Variants in BCAR3 observed in about 807,000 individuals in gnomAD.
The protein encoded by BCAR3 is BCAR3 adaptor protein, NSP family member.
In BCAR3, 37 loss-of-function variants were observed where a neutral mutation model predicts 80.1. The ratio of observed to expected loss-of-function variants is 0.46; its 90% CI spans 0.36 to 0.61. The LOEUF is 0.61. Among genes scored for constraint, BCAR3 ranks in the 20% least tolerant of loss-of-function variants. The pLI, the probability that BCAR3 is intolerant of heterozygous loss-of-function variation, is 0.00. For missense variants in BCAR3, 978 were observed against 1,068.2 expected, an observed-to-expected ratio of 0.92 and a Z score of 1.18; for synonymous variants, 389 against 418.9, an observed-to-expected ratio of 0.93 and a Z score of 0.87.
At position 93,713,704 on chromosome 1, in the gene BCAR3, A is replaced by C. The variant is rs939525718; in HGVS notation, c.-62-7562T>G. Among the ~76,000 whole-genome samples the C allele has an allele frequency of 4.6e-5, 7 of 151,638 alleles. No homozygotes were observed. In the East Asian group the frequency reaches 1.2e-3, roughly 25 times the overall value. On this transcript the variant is annotated intron_variant, in intron 2 of 13. Transcript: ENST00000370244. ...AAAACCCACAGCAATGGTTCCAAAA[A>C]CTGAAATGCCATTTTTTTTTCTATT... is the stretch of plus-strand genomic sequence containing the variant.
At chr1:93,756,767 G>A (rs2100719091) in intron 2 of BCAR3, among the ~76,000 whole-genome samples, 1 of 152,210 alleles carries the variant, frequency 6.6e-6, no homozygotes, top group East Asian at 1.9e-4. Flanking sequence ...GGAATGCCCA[G>A]GTGCAGCCTC....
intron 3 of BCAR3, among the ~76,000 whole-genome samples, chr1:93,614,465 AG>A (rs1465788573): frequency 6.6e-6 from 1 of 152,014 alleles, no homozygotes. Context: ...TGAGGAAAGG[AG>A]GTGGCCTAAA....
At chr1:93,719,201 A>T (rs182680903) in intron 2 of BCAR3, among the ~76,000 whole-genome samples, 91 of 152,274 alleles carry the variant, frequency 6.0e-4, no homozygotes, top group African/African-American at 2.1e-3. Context: ...CTACTCTGGA[A>T]GGTCCAGCTG....
intron 3 of BCAR3, among the ~76,000 whole-genome samples, chr1:93,606,814 G>A (rs892270559): frequency 6.6e-6 from 1 of 152,204 alleles, no homozygotes; most frequent in Non-Finnish European, 1.5e-5. Flanking sequence ...CAGTAGGACT[G>A]GACAGGAAGG....
At chr1:93,720,589 C>A (rs1650358310) in intron 2 of BCAR3, among the ~76,000 whole-genome samples, 1 of 152,222 alleles carries the variant, frequency 6.6e-6, no homozygotes, top group Admixed American at 6.5e-5. Flanking sequence ...TGGGTCGATG[C>A]TCCGGTGCTG....
intron 3 of BCAR3, among the ~76,000 whole-genome samples, chr1:93,694,449 A>G (rs1649315707): frequency 6.6e-6 from 1 of 152,138 alleles, no homozygotes; most frequent in African/African-American, 2.4e-5. Context: ...CCAAAATGTG[A>G]GTCCTCTGGG....
At chr1:93,743,847 C>A (rs1651263213) in intron 2 of BCAR3, among the ~76,000 whole-genome samples, 1 of 152,208 alleles carries the variant, frequency 6.6e-6, no homozygotes, top group Non-Finnish European at 1.5e-5. Flanking sequence ...TCTCAGTCCA[C>A]ATTACTGTTG....
At chr1:93,696,606 C>T (rs1421271111) in intron 3 of BCAR3, among the ~76,000 whole-genome samples, 3 of 152,182 alleles carry the variant, frequency 2.0e-5, no homozygotes, top group African/African-American at 7.2e-5. Context: ...ATGCAGGCCC[C>T]AGAGTGATGT....
At chr1:93,570,469 A>G (rs1673167031) in intron 9 of BCAR3, among the ~76,000 whole-genome samples, 1 of 152,178 alleles carries the variant, frequency 6.6e-6, no homozygotes, top group African/African-American at 2.4e-5. Context: ...AGCAATAAAG[A>G]TGGCAGCCTG....
intron 1 of BCAR3, 179 bp downstream of exon 1, chr1:93,681,419 C>T (rs1648755496): frequency 6.6e-6 from 1 of 152,334 alleles, no homozygotes; most frequent in Non-Finnish European, 1.5e-5. Context: ...TCACCCCCGC[C>T]CCCAACGCCA....
chr1:93,841,006 G>C (rs1172908615), intron 2 of BCAR3, among the ~76,000 whole-genome samples: 1 of 152,138 alleles, frequency 6.6e-6, no homozygotes, highest in East Asian at 1.9e-4. Context: ...TATTGTCTGG[G>C]AGAAGAGATA....
At chr1:93,591,410 G>A (rs1674181439) in intron 4 of BCAR3, among the ~76,000 whole-genome samples, 1 of 152,058 alleles carries the variant, frequency 6.6e-6, no homozygotes, top group African/African-American at 2.4e-5. Flanking sequence ...AGGAGGTAGA[G>A]GTTGCAGTGA....
At chr1:93,696,028 G>A (rs1303043617) in intron 3 of BCAR3, among the ~76,000 whole-genome samples, 1 of 150,870 alleles carries the variant, frequency 6.6e-6, no homozygotes, top group East Asian at 1.9e-4. Flanking sequence ...AATGCAACCT[G>A]CTACTGCTTC....
intron 2 of BCAR3, among the ~76,000 whole-genome samples, chr1:93,744,662 G>A (rs553921371): frequency 3.7e-4 from 56 of 152,270 alleles, no homozygotes; most frequent in African/African-American, 1.3e-3. Flanking sequence ...CCACTGTACT[G>A]TCGATCATAA....
At chr1:93,802,315 G>GA (rs11349279) in intron 2 of BCAR3, among the ~76,000 whole-genome samples, 46 of 142,984 alleles carry the variant, frequency 3.2e-4, no homozygotes, top group South Asian at 1.1e-3. Flanking sequence ...AACTTTAAAA[G>GA]AAAAAAAAAA....
At chr1:93,564,290 CTTTTT>C (rs35780346) in intron 11 of BCAR3, among the ~76,000 whole-genome samples, 9 of 103,720 alleles carry the variant, frequency 8.7e-5, no homozygotes, top group Admixed American at 2.0e-4. Flanking sequence ...TTCTTTCTTT[CTTTTT>C]TTTTTTTTTT....
At chr1:93,660,124 C>T (rs372300533) in intron 2 of BCAR3, among the ~76,000 whole-genome samples, 1 of 152,020 alleles carries the variant, frequency 6.6e-6, no homozygotes, top group African/African-American at 2.4e-5. Context: ...CCTCCCACTA[C>T]ACTCTATGAG....
At chr1:93,645,833 TC>T in intron 2 of BCAR3, among the ~76,000 whole-genome samples, 1 of 151,936 alleles carries the variant, frequency 6.6e-6, no homozygotes, top group South Asian at 2.1e-4. Flanking sequence ...AAACTTTTTC[TC>T]CCTGTAGCTT....
At chr1:93,709,902 T>C (rs1649961567) in intron 2 of BCAR3, among the ~76,000 whole-genome samples, 2 of 152,312 alleles carry the variant, frequency 1.3e-5, no homozygotes, top group Admixed American at 1.3e-4. Flanking sequence ...CTTAAATATA[T>C]ATTTTTAAAA....
Sources: gnomAD v4.1 joint callset for allele counts (sites outside exome capture counted in the v4.1 genomes callset) on GRCh38, gnomAD v4.1.1 for gene constraint, MANE v1.5 for transcripts, NCBI Gene and HGNC (gene_info 2026-07-23, HGNC 2026-07-21) for gene names.